The following DPPA4 variants were observed in gnomAD, a reference collection of about 807,000 sequenced individuals.
DPPA4 encodes the protein developmental pluripotency-associated protein 4.
A neutral mutation model predicts 33.7 loss-of-function variants in DPPA4; 22 were observed. The observed-to-expected ratio is 0.65, with a 90% confidence interval of 0.47 to 0.93. DPPA4 has a LOEUF of 0.93. Ranked by LOEUF, DPPA4 falls within the 40% of genes least tolerant of loss-of-function variation. The probability of loss-of-function intolerance (pLI) is 0.00; values close to 1 mark genes in which losing one functional copy is unlikely to be tolerated. For missense variants in DPPA4, 340 were observed against 358.6 expected (o/e 0.95, Z 0.42); for synonymous variants, 156 against 132.3 (o/e 1.18, Z -1.23).
chr3:109,330,954 C>T lies in DPPA4; in HGVS notation c.391-142G>A, dbSNP rs1708058278. On this transcript the variant is annotated intron_variant, in intron 4 of 6. Coordinates refer to ENST00000335658, the MANE Select transcript of DPPA4 (RefSeq NM_018189.4). ...TCTATTGTACAAGTTGGTAACTATA[C>T]ATAGTTAATAACAATGTACTGTCTT... is the stretch of plus-strand genomic sequence containing the variant. The T allele has an allele frequency of 8.5e-6, 7 of 827,224 alleles. No homozygotes were observed. The Admixed American group carries it at 8.8e-5, about 10-fold the overall frequency. The allele number at this position is 827,224 out of a possible 1,614,324, so 51.2% of individuals were successfully genotyped here.
chr3:109,331,623 G>T, intron 4 of DPPA4, 111 bp downstream of exon 4: 6 of 756,750 alleles, frequency 7.9e-6, no homozygotes, highest in East Asian at 2.7e-5. Context: ...TTCTTTCTTA[G>T]AACTAGGGGT....
upstream of DPPA4, chr3:109,337,604 C>T: frequency 4.4e-6 from 5 of 1,136,762 alleles, no homozygotes; most frequent in Non-Finnish European, 6.7e-6. Flanking sequence ...TTCTCTCCAC[C>T]TCACCTCTTC....
intron 5 of DPPA4, chr3:109,329,986 T>TACTGCCTGGGAAACTGTTAGAGATGCAAA (rs1708023808): frequency 6.0e-6 from 1 of 165,772 alleles, no homozygotes; most frequent in Non-Finnish European, 1.3e-5. Context: ...GCATCCTTAG[T>TACTGCCTGGGAAACTGTTAGAGATGCAAA]ACTGCCTGGG....
intron 2 of DPPA4, 54 bp from the exon 3 acceptor site, chr3:109,332,085 A>C: frequency 6.9e-7 from 1 of 1,455,082 alleles, no homozygotes; most frequent in South Asian, 1.3e-5. Context: ...AGCTTTTCTG[A>C]ATTTCAAAAG....
rs201748770 is a variant in DPPA4 at position 109,331,712 on chromosome 3, C to T, written c.390+22G>A. ...TAGGTAATTAGGATAAGCATTGAAA[C>T]GTCCATCCTTTAAAAAGTTACCTTT... is the stretch of plus-strand genomic sequence containing the variant. On this transcript the variant is annotated intron_variant, in intron 4 of 6. Coordinates refer to ENST00000335658, the MANE Select transcript of DPPA4 (RefSeq NM_018189.4). 1.2e-5 allele frequency: 20 copies of T among 1,611,556 alleles called. 1 individual carries two copies. In the Middle Eastern group the frequency reaches 6.6e-4, roughly 54 times the overall value.
Position 109,331,622 on chromosome 3 carries a change from AG to A in DPPA4, c.390+111del. The A allele has an allele frequency of 5.3e-6, 4 of 758,904 alleles. No individual in the cohort carries two copies. In the East Asian group the frequency reaches 1.0e-4, roughly 20 times the overall value. 47.0% of individuals were successfully genotyped at this position (758,904 alleles called of 1,614,324 possible). On this transcript the variant is annotated intron_variant, in intron 4 of 6. Coordinates refer to ENST00000335658, the MANE Select transcript of DPPA4 (RefSeq NM_018189.4). ...GAGATGGGAAATATTGTTCTTTCTT[AG>A]AACTAGGGGTGGAGGAACAAGGTGA...
chr3:109,332,300 A>C (rs1355334439), intron 2 of DPPA4: 20 of 232,042 alleles, frequency 8.6e-5, no homozygotes, highest in Non-Finnish European at 1.3e-4. Flanking sequence ...ATGGGGTTTC[A>C]CCATGTTGGC....
At chr3:109,335,983 T>G (rs1382152887) in intron 1 of DPPA4, among the ~76,000 whole-genome samples, 2 of 151,534 alleles carry the variant, frequency 1.3e-5, no homozygotes, top group Non-Finnish European at 2.9e-5. Context: ...CGAAACTCAG[T>G]CACTACCAAA....
chr3:109,330,640 C>A lies in DPPA4; in HGVS notation c.563G>T (p.Gly188Val), dbSNP rs748894803. ...AGTTGTCACCACAACTGTATTAACT[C>A]CCTCAAGGAGAGCAGTGGAATTTTC... is the stretch of plus-strand genomic sequence containing the variant. Reference protein sequence around the residue: ...ALENSTALLEGVNTVVVTTSA... With the variant: ...ALENSTALLEVVNTVVVTTSA... The change falls in exon 5 of 7, where the codon GGA (glycine) becomes GTA (valine). Residue 188 changes from glycine to valine, a missense_variant. Physicochemically the swap from Gly to Val is moderately radical, Grantham distance 109. Transcript: ENST00000335658. The A allele has an allele frequency of 1.9e-6, 3 of 1,614,058 alleles. No individual in the cohort carries two copies. The highest frequency in any genetic ancestry group is 2.5e-6 in the Non-Finnish European group (3 of 1,180,046).
At chr3:109,338,208 C>T (rs1708251177), upstream of DPPA4, among the ~76,000 whole-genome samples, 1 of 152,144 alleles carries the variant, frequency 6.6e-6, no homozygotes, top group African/African-American at 2.4e-5. Flanking sequence ...GGATTACAGG[C>T]GTGAGCCACC....
At chr3:109,337,707 A>C, upstream of DPPA4, 1 of 614,416 alleles carries the variant, frequency 1.6e-6, no homozygotes, top group South Asian at 2.0e-5. Context: ...TCTGGGTTGA[A>C]TTACTAATAC....
Position 109,337,506 on chromosome 3 carries a change from G to A in DPPA4, c.12C>T (p.Gly4=), listed in dbSNP as rs1428328773. The change falls in exon 1 of 7, where the codon GGC becomes GGT. Residue 4 remains glycine, a synonymous_variant. Coordinates refer to ENST00000335658, the MANE Select transcript of DPPA4 (RefSeq NM_018189.4). MLR[G]SASSTSMEKA... is the part of the protein sequence containing the mutation. ...TCTCCATACTTGTAGAAGAAGCGGAGCCTCGCAACATGCTTCCAAAATGGC... is the reference window on the plus strand; with the variant it reads ...TCTCCATACTTGTAGAAGAAGCGGAACCTCGCAACATGCTTCCAAAATGGC... The A allele has an allele frequency of 4.3e-6, 7 of 1,614,088 alleles. No homozygotes were observed. Among genetic ancestry groups the A allele is most frequent in the Non-Finnish European group, 5.9e-6 (7 of 1,180,000 alleles).
Position 109,330,555 on chromosome 3 carries a change from T to C in DPPA4, c.648A>G (p.Pro216=). 6.2e-7 allele frequency: 1 copy of C among 1,613,940 alleles called. No homozygotes were observed. Among genetic ancestry groups the C allele is most frequent in the South Asian group, 1.1e-5 (1 of 91,068 alleles). Reference sequence around the variant, plus strand: ...CCTCTTGTGGAGATTCCACTGCCTCTGGTGTCCTCGCCCTGGCTGAAATTC... The same window carrying C: ...CCTCTTGTGGAGATTCCACTGCCTCCGGTGTCCTCGCCCTGGCTGAAATTC... ...WARISARART[P]EAVESPQEAS... is the part of the protein sequence containing the mutation. Residue 216 remains proline (P), a synonymous_variant, in exon 5 of 7, where the codon CCA becomes CCG. Transcript: ENST00000335658.
intron 2 of DPPA4, 98 bp from the exon 3 acceptor site, chr3:109,332,129 A>C (rs916787115): frequency 8.4e-7 from 1 of 1,191,354 alleles, no homozygotes; most frequent in Non-Finnish European, 1.2e-6. Flanking sequence ...TTGAGACAGA[A>C]TCTTGCTCTG....
chr3:109,334,067 C>G, intron 1 of DPPA4, 74 bp from the exon 2 acceptor site: 1 of 1,562,842 alleles, frequency 6.4e-7, no homozygotes, highest in East Asian at 2.3e-5. Flanking sequence ...CTCAAGATAA[C>G]TCACTTCTAA....
chr3:109,337,592 T>TTGAGCAA, upstream of DPPA4: 1 of 1,321,820 alleles, frequency 7.6e-7, no homozygotes, highest in Non-Finnish European at 1.1e-6. Context: ...CGAAGACCCT[T>TTGAGCAA]TTTCTCTCCA....
In DPPA4 at chr3:109,326,217, G is replaced by GT. The variant is rs2107332906; in HGVS notation, c.*1770dup. 6.6e-6 allele frequency: 1 copy of GT among 152,118 alleles called. No individual in the cohort carries two copies. Among genetic ancestry groups the GT allele is most frequent in the African/African-American group, 2.4e-5 (1 of 41,476 alleles). 9.4% of individuals were successfully genotyped at this position (152,118 alleles called of 1,614,324 possible). ...TTGAAATGTGTTAGAAGCAGGGGAA[G>GT]TATCTACAAGCAGAATCGTAAAGCC... On this transcript the variant is annotated 3_prime_UTR_variant, in exon 7 of 7. Coordinates refer to ENST00000335658, the MANE Select transcript of DPPA4 (RefSeq NM_018189.4).
At chr3:109,337,404 C>T in intron 1 of DPPA4, 60 bp downstream of exon 1, 2 of 1,507,092 alleles carry the variant, frequency 1.3e-6, no homozygotes, top group Non-Finnish European at 9.2e-7. Context: ...ATCAGGAGTG[C>T]CCAGGGAAGA....
chr3:109,337,544 A>T lies in DPPA4; in HGVS notation c.-27T>A, dbSNP rs188593809. The T allele has an allele frequency of 1.2e-6, 2 of 1,613,306 alleles. No individual in the cohort carries two copies. The highest frequency in any genetic ancestry group is 1.7e-6 in the Non-Finnish European group (2 of 1,179,290). ...CTTCCAAAATGGCCCCTGCCCCAAGATTGCTATTTGCAAAGTCTCCTCCCA... is the reference window on the plus strand; with the variant it reads ...CTTCCAAAATGGCCCCTGCCCCAAGTTTGCTATTTGCAAAGTCTCCTCCCA... On this transcript the variant is annotated 5_prime_UTR_variant, in exon 1 of 7. Transcript: ENST00000335658.
Sources: gnomAD v4.1 joint callset for allele counts (sites outside exome capture counted in the v4.1 genomes callset) on GRCh38, gnomAD v4.1.1 for gene constraint, MANE v1.5 for transcripts, NCBI Gene and HGNC (gene_info 2026-07-23, HGNC 2026-07-21) for gene names.